Variants in ZBTB7C observed in about 807,000 individuals in gnomAD.
ZBTB7C encodes the protein zinc finger and BTB domain containing 7C, also known as zinc finger and BTB domain-containing protein 7C.
ZBTB7C carries 8 observed loss-of-function variants against 25.7 expected under a neutral mutation model. The ratio of observed to expected loss-of-function variants is 0.31; its 90% CI spans 0.18 to 0.56. ZBTB7C has a LOEUF of 0.56. ZBTB7C is among the 20% of genes least tolerant of loss of function. The probability of loss-of-function intolerance (pLI) is 0.91; values close to 1 mark genes in which losing one functional copy is unlikely to be tolerated. For synonymous variants in ZBTB7C, 394 were observed against 369.0 expected, an observed-to-expected ratio of 1.07 and a Z score of -0.78; for missense variants, 824 against 855.2, an observed-to-expected ratio of 0.96 and a Z score of 0.46.
chr18:48,199,010 C>T (rs1002629010), intron 2 of ZBTB7C, among the ~76,000 whole-genome samples: 3 of 152,176 alleles, frequency 2.0e-5, no homozygotes, highest in South Asian at 2.1e-4. Flanking sequence ...GAATAGAAAG[C>T]GAAGCTGGAA....
intron 4 of ZBTB7C, among the ~76,000 whole-genome samples, chr18:48,032,422 GTTTTTTTTTTTTTT>G (rs71165309): frequency 8.1e-4 from 53 of 65,102 alleles, no homozygotes; most frequent in African/African-American, 3.2e-3. Context: ...GACAAGGTAG[GTTTTTTTTTTTTTT>G]TTTTTTTTTT....
chr18:48,370,368 G>A (rs1420533295), intron 1 of ZBTB7C, among the ~76,000 whole-genome samples: 1 of 152,142 alleles, frequency 6.6e-6, no homozygotes, highest in Non-Finnish European at 1.5e-5. Flanking sequence ...ATATTCTTGA[G>A]ATGACAAAAT....
chr18:48,315,777 C>T (rs1425232643), intron 2 of ZBTB7C, among the ~76,000 whole-genome samples: 1 of 152,188 alleles, frequency 6.6e-6, no homozygotes, highest in African/African-American at 2.4e-5. Context: ...CTGGTGAACT[C>T]AATGGACCTG....
chr18:48,222,200 C>A (rs1568312477), intron 2 of ZBTB7C, among the ~76,000 whole-genome samples: 1 of 150,862 alleles, frequency 6.6e-6, no homozygotes, highest in Non-Finnish European at 1.5e-5. Context: ...CCCTCCCTAG[C>A]CTCCCCCTAT....
intron 1 of ZBTB7C, among the ~76,000 whole-genome samples, chr18:48,368,887 CT>C (rs751049384): frequency 1.3e-5 from 2 of 152,118 alleles, no homozygotes; most frequent in Non-Finnish European, 2.9e-5. Context: ...CTAAGATAAT[CT>C]GTCACCAACA....
At chr18:48,076,836 A>G in intron 3 of ZBTB7C, 2 of 601,884 alleles carry the variant, frequency 3.3e-6, no homozygotes, top group Non-Finnish European at 4.2e-6. Flanking sequence ...ATGGGATTGC[A>G]GGAGAATGTA....
At chr18:48,295,873 G>C (rs2045373258) in intron 2 of ZBTB7C, among the ~76,000 whole-genome samples, 1 of 152,182 alleles carries the variant, frequency 6.6e-6, no homozygotes, top group South Asian at 2.1e-4. Context: ...GGGGTCAGGT[G>C]GGGGACCCAT....
chr18:48,030,597 A>C (rs2035700866), intron 4 of ZBTB7C, among the ~76,000 whole-genome samples: 1 of 152,248 alleles, frequency 6.6e-6, no homozygotes, highest in African/African-American at 2.4e-5. Flanking sequence ...TGCAGGGTTT[A>C]AGTGGTATTA....
chr18:48,360,835 TG>T (rs2047088231), intron 1 of ZBTB7C, among the ~76,000 whole-genome samples: 1 of 151,932 alleles, frequency 6.6e-6, no homozygotes, highest in African/African-American at 2.4e-5. Flanking sequence ...CTGGTGGTGG[TG>T]GGTCGCTGGC....
chr18:48,219,641 A>G (rs2042904861), intron 2 of ZBTB7C, among the ~76,000 whole-genome samples: 2 of 152,302 alleles, frequency 1.3e-5, no homozygotes, highest in African/African-American at 4.8e-5. Context: ...GCATTTCAAC[A>G]AGGGGTAATG....
intron 3 of ZBTB7C, among the ~76,000 whole-genome samples, chr18:48,161,701 GCCCGGCCCGGGCGCCCCGC>G (rs796425053): frequency 2.5e-4 from 34 of 137,828 alleles, no homozygotes; most frequent in African/African-American, 9.2e-4. Flanking sequence ...GCCCGGCCCG[GCCCGGCCCGGGCGCCCCGC>G]CCCAGCCCCG....
chr18:48,325,037 G>A (rs765420527), intron 2 of ZBTB7C, among the ~76,000 whole-genome samples: 4 of 152,160 alleles, frequency 2.6e-5, no homozygotes, highest in East Asian at 1.9e-4. Context: ...GGACTATGTC[G>A]GGAGCTCCCT....
intron 2 of ZBTB7C, among the ~76,000 whole-genome samples, chr18:48,276,965 G>T (rs1456136187): frequency 2.0e-5 from 3 of 149,694 alleles, no homozygotes; most frequent in Non-Finnish European, 3.0e-5. Flanking sequence ...AGCACCTGTT[G>T]TTTCCTGACT....
chr18:48,136,530 A>G (rs1195017187), intron 3 of ZBTB7C, among the ~76,000 whole-genome samples: 1 of 151,838 alleles, frequency 6.6e-6, no homozygotes, highest in East Asian at 2.0e-4. Context: ...CCCGTCCCCA[A>G]GTTTTGCATC....
intron 1 of ZBTB7C, among the ~76,000 whole-genome samples, chr18:48,358,339 G>A (rs542221508): frequency 1.8e-4 from 27 of 148,534 alleles, no homozygotes; most frequent in Non-Finnish European, 3.6e-4. Flanking sequence ...GTGACTGAAC[G>A]AGACTCCACT....
At chr18:48,193,278 C>T (rs766555462) in intron 2 of ZBTB7C, among the ~76,000 whole-genome samples, 13 of 152,136 alleles carry the variant, frequency 8.5e-5, no homozygotes, top group Admixed American at 1.3e-4. Flanking sequence ...GAATACACCC[C>T]GGGCCAGGCA....
At chr18:48,055,532 C>T (rs909381080) in intron 3 of ZBTB7C, among the ~76,000 whole-genome samples, 5 of 151,754 alleles carry the variant, frequency 3.3e-5, no homozygotes, top group Admixed American at 1.3e-4. Context: ...GGGAGGGCAT[C>T]GTGGAAAGCT....
intron 2 of ZBTB7C, among the ~76,000 whole-genome samples, chr18:48,238,608 A>G (rs1195230923): frequency 6.6e-6 from 1 of 152,232 alleles, no homozygotes; most frequent in Non-Finnish European, 1.5e-5. Context: ...AGAAGCAGCA[A>G]AAAGATCTCT....
At chr18:48,183,327 A>G (rs2041975296) in intron 3 of ZBTB7C, among the ~76,000 whole-genome samples, 1 of 152,216 alleles carries the variant, frequency 6.6e-6, no homozygotes. Context: ...AAAGTAACAC[A>G]AAACTCTGGC....
Sources: allele counts gnomAD v4.1 joint callset (sites outside exome capture counted in the v4.1 genomes callset), GRCh38; gene constraint gnomAD v4.1.1; transcripts MANE v1.5; gene names NCBI Gene and HGNC (gene_info 2026-07-23, HGNC 2026-07-21).